Variants in TMC3 observed in about 807,000 individuals in gnomAD.
TMC3 encodes the protein transmembrane channel-like protein 3.
A neutral mutation model predicts 110.6 loss-of-function variants in TMC3; 98 were observed. The observed-to-expected ratio is 0.89, with a 90% CI of 0.75 to 1.05. The LOEUF is 1.05. TMC3 is among the 50% of genes least tolerant of loss of function. TMC3 has a pLI of 0.00. For missense variants in TMC3, 1,319 were observed against 1,373.2 expected, an observed-to-expected ratio of 0.96 and a Z score of 0.62; for synonymous variants, 489 against 513.1, an observed-to-expected ratio of 0.95 and a Z score of 0.63.
At position 81,343,987 on chromosome 15, in the gene TMC3, A is replaced by G. The variant is rs948622880; in HGVS notation, c.1577T>C (p.Ile526Thr). The G allele has an allele frequency of 5.6e-6, 9 of 1,613,322 alleles. No individual in the cohort carries two copies. The highest frequency in any genetic ancestry group is 2.2e-5 in the East Asian group (1 of 44,856). Residue 526 changes from isoleucine (I) to threonine (T), a missense_variant, in exon 14 of 22, where the codon ATA (isoleucine) becomes ACA (threonine). Physicochemically the swap from Ile to Thr is moderately conservative, Grantham distance 89. Transcript: ENST00000359440. ...CACGAAAAGTCCTCGGAAGAAGTCT[A>G]TGAGCAGAATGCTCGCCACGGTGAA... ...MLFTVASILL[I>T]DFFRGLFVRY...
intron 7 of TMC3, among the ~76,000 whole-genome samples, chr15:81,357,605 T>C (rs1406444307): frequency 6.6e-6 from 1 of 152,090 alleles, no homozygotes; most frequent in African/African-American, 2.4e-5. Flanking sequence ...CCCCACCAGA[T>C]TGCGTCTTTT....
At position 81,339,495 on chromosome 15, in the gene TMC3, G is replaced by C; in HGVS notation, c.1854C>G (p.Asn618Lys). Residue 618 changes from asparagine to lysine, a missense_variant, in exon 17 of 22, where the codon AAC (asparagine) becomes AAG (lysine). Coordinates refer to ENST00000359440, the MANE Select transcript of TMC3 (RefSeq NM_001080532.3). The part of the protein sequence containing the change: ...QQVFRASRSN[N>K]FYLAMLLFML... Reference sequence around the variant, plus strand: ...TAAACAGGAGCATTGCCAAGTAGAAGTTGTTGGATCTGCAGATAAATCAGA... The same window carrying C: ...TAAACAGGAGCATTGCCAAGTAGAACTTGTTGGATCTGCAGATAAATCAGA... 6.3e-7 allele frequency: 1 copy of C among 1,599,620 alleles called. No homozygotes were observed. The highest frequency in any genetic ancestry group is 8.5e-7 in the Non-Finnish European group (1 of 1,172,690).
At chr15:81,362,360 C>T in intron 3 of TMC3, 59 bp from the exon 4 acceptor site, 1 of 1,318,522 alleles carries the variant, frequency 7.6e-7, no homozygotes. Flanking sequence ...AATGGCTGTG[C>T]AGTACTAGGC....
intron 4 of TMC3, among the ~76,000 whole-genome samples, chr15:81,360,135 A>G (rs1292512424): frequency 1.3e-5 from 2 of 152,162 alleles, no homozygotes; most frequent in Non-Finnish European, 2.9e-5. Context: ...TTTTATTTCA[A>G]ATCTAGTTTA....
At chr15:81,335,571 C>T (rs965002946) in intron 20 of TMC3, 3 of 154,376 alleles carry the variant, frequency 1.9e-5, no homozygotes, top group Admixed American at 1.3e-4. Context: ...GCTGATGGAG[C>T]AAGCAAGCAT....
At chr15:81,358,339 T>G (rs770391965) in intron 6 of TMC3, 48 bp from the exon 7 acceptor site, 2 of 1,601,082 alleles carry the variant, frequency 1.2e-6, no homozygotes, top group Non-Finnish European at 1.7e-6. Context: ...TTCCCAGGTC[T>G]CAGAACTGTG....
rs1349091202 is a variant in TMC3, at chr15:81,331,227, A to G, written c.*1192T>C. The G allele has an allele frequency of 2.0e-5, 3 of 152,238 alleles. No individual in the cohort carries two copies. Among genetic ancestry groups the G allele is most frequent in the Non-Finnish European group, 4.4e-5 (3 of 68,040 alleles). 9.4% of individuals were successfully genotyped at this position (152,238 alleles called of 1,614,324 possible). A position where few individuals can be genotyped will look rare whatever the true frequency, so the allele number is the denominator to read the frequency against. ...CGGGAGTACGCGAGGCAGGAAGCGT[A>G]CTTACAGAAGCGAGAGCAAAGGCAG... is the stretch of plus-strand genomic sequence containing the variant. On this transcript the variant is annotated 3_prime_UTR_variant, in exon 22 of 22. Transcript: ENST00000359440.
At chr15:81,350,094 A>C (rs1190144437) in intron 10 of TMC3, among the ~76,000 whole-genome samples, 1 of 152,054 alleles carries the variant, frequency 6.6e-6, no homozygotes, top group African/African-American at 2.4e-5. Context: ...CAAAAAAAAA[A>C]AAAAGTGGCA....
In TMC3 at chr15:81,338,635, C is replaced by T; in HGVS notation, c.2081+20G>A. 1 of 1,609,608 alleles carries T rather than the reference C, an allele frequency of 6.2e-7. No homozygotes were observed. Among genetic ancestry groups the T allele is most frequent in the Non-Finnish European group, 8.5e-7 (1 of 1,178,662 alleles). On this transcript the variant is annotated intron_variant, in intron 18 of 21. Coordinates refer to ENST00000359440, the MANE Select transcript of TMC3 (RefSeq NM_001080532.3). ...CAAACACACAGAAGTCCCTCCAAAGCTGGCAGGTGTGGTACTCACAAAAGC... is the reference window on the plus strand; with the variant it reads ...CAAACACACAGAAGTCCCTCCAAAGTTGGCAGGTGTGGTACTCACAAAAGC...
chr15:81,339,283 C>A, intron 17 of TMC3, 111 bp downstream of exon 17: 1 of 842,102 alleles, frequency 1.2e-6, no homozygotes, highest in Non-Finnish European at 1.9e-6. Context: ...GGTTTGCAAT[C>A]TTTCTATCCT....
In TMC3 at chr15:81,356,596, T is replaced by C. The variant is rs780006467; in HGVS notation, c.744-2A>G. ...CTCGTGCGGGAGTTCTTAGCCATCC[T>C]GCAAAAGAGGAGCACAAACAGGTCT... On this transcript the variant is annotated splice_acceptor_variant, in intron 7 of 21. Coordinates refer to ENST00000359440, the MANE Select transcript of TMC3 (RefSeq NM_001080532.3). LOFTEE classifies it high-confidence loss of function. 6.3e-7 allele frequency: 1 copy of C among 1,586,018 alleles called. No individual in the cohort carries two copies. Among genetic ancestry groups the C allele is most frequent in the Non-Finnish European group, 8.6e-7 (1 of 1,166,160 alleles).
At chr15:81,351,094 G>A (rs929326257) in intron 10 of TMC3, among the ~76,000 whole-genome samples, 1 of 152,212 alleles carries the variant, frequency 6.6e-6, no homozygotes, top group Non-Finnish European at 1.5e-5. Context: ...AGAAACAGAT[G>A]TGCAAAAGGC....
intron 9 of TMC3, among the ~76,000 whole-genome samples, chr15:81,354,529 G>T (rs1894017085): frequency 6.6e-6 from 1 of 152,156 alleles, no homozygotes; most frequent in Admixed American, 6.5e-5. Flanking sequence ...TGTGTTGACT[G>T]GGATCTTGTG....
In TMC3 at chr15:81,368,315, T is replaced by G. The variant is rs769232905; in HGVS notation, c.250A>C (p.Ile84Leu). ...AGCCTCCCTTCAAACTTCAGCACAA[T>G]GTTCTTCGCTTGTCTAAGAGAAGAA... The part of the protein sequence containing the change: ...KLRALRQAKN[I>L]VLKFEGRLTR... Residue 84 changes from isoleucine (I) to leucine (L), a missense_variant, in exon 3 of 22, where the codon ATT (isoleucine) becomes CTT (leucine). Coordinates refer to ENST00000359440, the MANE Select transcript of TMC3 (RefSeq NM_001080532.3). 1.9e-6 allele frequency: 3 copies of G among 1,613,488 alleles called. No homozygotes were observed. Among genetic ancestry groups the G allele is most frequent in the Non-Finnish European group, 1.7e-6 (2 of 1,179,574 alleles).
chr15:81,351,423 G>A (rs1181943387), intron 10 of TMC3, among the ~76,000 whole-genome samples: 5 of 147,968 alleles, frequency 3.4e-5, no homozygotes, highest in Non-Finnish European at 7.4e-5. Flanking sequence ...CGTGATCTTG[G>A]CTCACTCTAG....
chr15:81,353,321 A>G (rs998240159), intron 9 of TMC3, among the ~76,000 whole-genome samples: 2 of 152,246 alleles, frequency 1.3e-5, no homozygotes, highest in East Asian at 1.9e-4. Context: ...ATTTATTATT[A>G]AAGAAACTTT....
chr15:81,333,403 CAG>C, intron 21 of TMC3, 141 bp from the exon 22 acceptor site: 1 of 1,185,438 alleles, frequency 8.4e-7, no homozygotes, highest in Non-Finnish European at 1.2e-6. Flanking sequence ...ATTGTGTGCA[CAG>C]AGACATTTGG....
chr15:81,338,747 T>G lies in TMC3; in HGVS notation c.1989A>C (p.Glu663Asp). The change falls in exon 18 of 22, where the codon GAA (glutamate) becomes GAC (aspartate). Residue 663 changes from glutamate (E) to aspartate (D), a missense_variant. Coordinates refer to ENST00000359440, the MANE Select transcript of TMC3 (RefSeq NM_001080532.3). ...ACACAGGAAAGTCTTTCTCAATCGT[T>G]TCTGACACAATGTCATAAATTTTCT... ...GQEKIYDIVS[E>D]TIEKDFPVWF... is the part of the protein sequence containing the mutation. The G allele has an allele frequency of 6.2e-7, 1 of 1,613,918 alleles. No individual in the cohort carries two copies. The highest frequency in any genetic ancestry group is 2.2e-5 in the East Asian group (1 of 44,876).
chr15:81,337,298 A>T (rs1893618035), intron 19 of TMC3, among the ~76,000 whole-genome samples: 1 of 152,082 alleles, frequency 6.6e-6, no homozygotes. Context: ...GCACTAAGGG[A>T]ACACCTGGGG....
Sources: gnomAD v4.1 joint callset for allele counts (sites outside exome capture counted in the v4.1 genomes callset) on GRCh38, gnomAD v4.1.1 for gene constraint, MANE v1.5 for transcripts, NCBI Gene and HGNC (gene_info 2026-07-23, HGNC 2026-07-21) for gene names.